The following GBE1 variants were observed in gnomAD, a reference collection of about 807,000 sequenced individuals.
GBE1 encodes the protein 1,4-alpha-glucan-branching enzyme.
A neutral mutation model predicts 88.8 loss-of-function variants in GBE1; 70 were observed. That is an observed-to-expected ratio of 0.79 (90% CI 0.65 to 0.96). The LOEUF (loss-of-function observed/expected upper bound fraction) is 0.96, where lower values mean the gene tolerates loss of function less well. Ranked by LOEUF, GBE1 falls within the 40% of genes least tolerant of loss-of-function variation. The pLI is 0.00. For missense variants in GBE1, 872 were observed against 871.0 expected (o/e 1.00, Z -0.01); for synonymous variants, 284 against 300.1 (o/e 0.95, Z 0.56).
intron 14 of GBE1, among the ~76,000 whole-genome samples, chr3:81,501,001 G>C (rs891216049): frequency 7.2e-5 from 11 of 152,014 alleles, no homozygotes; most frequent in Admixed American, 7.2e-4. Context: ...CTACCCATCA[G>C]GTACTATGCT....
At chr3:81,726,369 A>G (rs930832663) in intron 1 of GBE1, among the ~76,000 whole-genome samples, 2 of 152,168 alleles carry the variant, frequency 1.3e-5, no homozygotes, top group African/African-American at 2.4e-5. Context: ...TGCTGGAAGT[A>G]AGAGGGAGAC....
intron 12 of GBE1, among the ~76,000 whole-genome samples, chr3:81,564,711 G>A (rs1051024443): frequency 1.3e-5 from 2 of 152,088 alleles, no homozygotes; most frequent in African/African-American, 2.4e-5. Flanking sequence ...AACCTGGCAG[G>A]AGTTTTTCCA....
At chr3:81,605,692 C>T (rs1704093110) in intron 7 of GBE1, among the ~76,000 whole-genome samples, 1 of 152,088 alleles carries the variant, frequency 6.6e-6, no homozygotes. Flanking sequence ...GATTGGCACA[C>T]TTTTTTGTAC....
intron 7 of GBE1, among the ~76,000 whole-genome samples, chr3:81,632,033 C>T (rs1004073550): frequency 2.0e-5 from 3 of 152,072 alleles, no homozygotes; most frequent in Non-Finnish European, 2.9e-5. Flanking sequence ...TGTTTGACTC[C>T]GATTTATCAG....
intron 12 of GBE1, among the ~76,000 whole-genome samples, chr3:81,567,711 T>C (rs191705620): frequency 6.6e-6 from 1 of 152,328 alleles, no homozygotes; most frequent in African/African-American, 2.4e-5. Context: ...AAATTATATC[T>C]TGACTCTTTT....
chr3:81,498,529 C>G (rs776917550), intron 15 of GBE1, among the ~76,000 whole-genome samples: 5 of 152,098 alleles, frequency 3.3e-5, no homozygotes, highest in Non-Finnish European at 5.9e-5. Context: ...AACATTCTAA[C>G]ATTCTATTTG....
intron 1 of GBE1, among the ~76,000 whole-genome samples, chr3:81,749,184 T>G (rs1706461149): frequency 6.6e-6 from 1 of 151,974 alleles, no homozygotes; most frequent in Non-Finnish European, 1.5e-5. Context: ...AGCCAAAAAC[T>G]GGGAACAATC....
At chr3:81,719,590 G>A (rs945525998) in intron 1 of GBE1, among the ~76,000 whole-genome samples, 1 of 152,140 alleles carries the variant, frequency 6.6e-6, no homozygotes, top group Non-Finnish European at 1.5e-5. Context: ...TTTTTATTTG[G>A]GGAGTGTTCC....
intron 7 of GBE1, among the ~76,000 whole-genome samples, chr3:81,606,060 T>G (rs994873027): frequency 2.6e-5 from 4 of 152,114 alleles, no homozygotes; most frequent in African/African-American, 9.7e-5. Context: ...TATGGTAAAA[T>G]AAAAACAAAT....
At chr3:81,607,570 A>G (rs1212256905) in intron 7 of GBE1, among the ~76,000 whole-genome samples, 2 of 152,130 alleles carry the variant, frequency 1.3e-5, no homozygotes, top group African/African-American at 2.4e-5. Context: ...AAACAAAAAC[A>G]AAAAATAAAT....
chr3:81,665,255 C>T (rs547833406), intron 3 of GBE1, among the ~76,000 whole-genome samples: 4 of 152,052 alleles, frequency 2.6e-5, no homozygotes, highest in African/African-American at 7.2e-5. Context: ...ATTTGTTGGC[C>T]GGGCGTGGTG....
At chr3:81,687,900 A>G (rs1705462688) in intron 2 of GBE1, among the ~76,000 whole-genome samples, 1 of 152,216 alleles carries the variant, frequency 6.6e-6, no homozygotes, top group Non-Finnish European at 1.5e-5. Context: ...ATGGAGTTTA[A>G]AACAGAAAAA....
At chr3:81,549,796 C>T (rs1192685604) in intron 12 of GBE1, among the ~76,000 whole-genome samples, 1 of 151,362 alleles carries the variant, frequency 6.6e-6, no homozygotes, top group African/African-American at 2.4e-5. Flanking sequence ...ATAAACAGGC[C>T]AAGTATAATA....
chr3:81,679,304 C>T (rs1316317919), intron 2 of GBE1, among the ~76,000 whole-genome samples: 24 of 152,132 alleles, frequency 1.6e-4, no homozygotes, highest in Admixed American at 1.5e-3. Flanking sequence ...GATTAACAAA[C>T]TACTTTCTGG....
intron 7 of GBE1, among the ~76,000 whole-genome samples, chr3:81,633,685 AG>A (rs989321505): frequency 4.6e-5 from 7 of 152,176 alleles, no homozygotes; most frequent in Non-Finnish European, 8.8e-5. Context: ...CTAATAGTTG[AG>A]GTTTATAAAA....
At chr3:81,590,990 C>T in intron 9 of GBE1, 47 bp downstream of exon 9, 2 of 1,507,398 alleles carry the variant, frequency 1.3e-6, no homozygotes, top group East Asian at 2.3e-5. Flanking sequence ...TGACAAAATA[C>T]TCTCTATTAA....
At chr3:81,649,577 C>T (rs1026647758) in intron 4 of GBE1, among the ~76,000 whole-genome samples, 1 of 151,744 alleles carries the variant, frequency 6.6e-6, no homozygotes, top group Non-Finnish European at 1.5e-5. Flanking sequence ...TTTCTTTAAC[C>T]TCAAAAACAT....
chr3:81,613,884 A>G (rs946320717), intron 7 of GBE1, among the ~76,000 whole-genome samples: 2 of 152,066 alleles, frequency 1.3e-5, no homozygotes, highest in South Asian at 2.1e-4. Flanking sequence ...TTAAACATTG[A>G]AAGTGTACAA....
chr3:81,499,537 T>C (rs1422668933), intron 14 of GBE1, among the ~76,000 whole-genome samples: 2 of 152,162 alleles, frequency 1.3e-5, no homozygotes, highest in East Asian at 1.9e-4. Flanking sequence ...CTTCTCCATA[T>C]TGAATAGAAA....
Sources: allele counts gnomAD v4.1 joint callset (sites outside exome capture counted in the v4.1 genomes callset), GRCh38; gene constraint gnomAD v4.1.1; transcripts MANE v1.5; gene names NCBI Gene and HGNC (gene_info 2026-07-23, HGNC 2026-07-21).